HMCN1: variants seen among roughly 807,000 people sequenced by gnomAD.
HMCN1 encodes the protein hemicentin-1.
HMCN1 carries 321 observed loss-of-function variants against 625.9 expected under a neutral mutation model. The ratio of observed to expected loss-of-function variants is 0.51; its 90% CI spans 0.47 to 0.56. The LOEUF (loss-of-function observed/expected upper bound fraction) is 0.56. Among genes scored for constraint, HMCN1 ranks in the 20% least tolerant of loss-of-function variants. HMCN1 has a pLI of 0.00. For synonymous variants in HMCN1, 2,425 were observed against 2,417.6 expected (o/e 1.00, Z -0.09); for missense variants, 6,588 against 6,887.3 (o/e 0.96, Z 1.54).
At chr1:185,942,428 C>T (rs1292322149) in intron 11 of HMCN1, among the ~76,000 whole-genome samples, 2 of 152,154 alleles carry the variant, frequency 1.3e-5, no homozygotes, top group South Asian at 2.1e-4. Flanking sequence ...GCAGGGAAAA[C>T]GATACTCCTT....
chr1:185,857,326 G>T (rs1016980581), intron 2 of HMCN1, among the ~76,000 whole-genome samples: 3 of 152,154 alleles, frequency 2.0e-5, no homozygotes, highest in African/African-American at 7.2e-5. Context: ...GAGCAGGACT[G>T]TGCATACTGA....
At chr1:186,171,922 C>T (rs1652256545) in intron 101 of HMCN1, 84 bp from the exon 102 acceptor site, 1 of 1,255,616 alleles carries the variant, frequency 8.0e-7, no homozygotes, top group Admixed American at 1.8e-5. Flanking sequence ...TAAATAATAT[C>T]CCTAAAATCC....
chr1:185,954,188 T>C (rs926478857), intron 11 of HMCN1, among the ~76,000 whole-genome samples: 7 of 152,178 alleles, frequency 4.6e-5, no homozygotes, highest in African/African-American at 1.7e-4. Context: ...GGGGATGCGA[T>C]GGCTTGGCTT....
chr1:186,132,229 C>G, intron 85 of HMCN1, 99 bp from the exon 86 acceptor site: 1 of 847,810 alleles, frequency 1.2e-6, no homozygotes, highest in Non-Finnish European at 2.0e-6. Flanking sequence ...AATTCCTTCT[C>G]AAAAATGAAA....
intron 53 of HMCN1, among the ~76,000 whole-genome samples, 191 bp downstream of exon 53, chr1:186,075,082 G>C (rs1194344706): frequency 6.6e-6 from 1 of 152,028 alleles, no homozygotes; most frequent in Non-Finnish European, 1.5e-5. Flanking sequence ...TTATTTTTAT[G>C]TGTTTCCTTC....
In HMCN1 at chr1:185,980,993, A is replaced by G; in HGVS notation, c.2582A>G (p.Asp861Gly). The part of the protein sequence containing the change: ...ALFILNLWAS[D>G]KGTYICEAEN... ...TTCCTTTTAGACTTATGGGCAAGTG[A>G]TAAAGGAACCTATATTTGTGAAGCT... Residue 861 changes from aspartate (D) to glycine (G), a missense_variant, in exon 17 of 107, where the codon GAT becomes GGT. This residue lies in a region of HMCN1 where 4,628 missense variants were observed against 4,853.1 expected (regional missense o/e 0.95). Transcript: ENST00000271588. 6.2e-7 allele frequency: 1 copy of G among 1,606,088 alleles called. No homozygotes were observed. Among genetic ancestry groups the G allele is most frequent in the South Asian group, 1.1e-5 (1 of 90,954 alleles).
intron 1 of HMCN1, among the ~76,000 whole-genome samples, chr1:185,783,473 GTTTTATC>G (rs1376289467): frequency 6.6e-6 from 1 of 152,066 alleles, no homozygotes; most frequent in African/African-American, 2.4e-5. Flanking sequence ...CCCCTTTGTG[GTTTTATC>G]TACCTTTGGT....
At chr1:185,999,894 C>T (rs901131101) in intron 25 of HMCN1, 151 bp from the exon 26 acceptor site, 9 of 607,812 alleles carry the variant, frequency 1.5e-5, no homozygotes, top group Non-Finnish European at 2.3e-5. Context: ...CTTCATATTT[C>T]CATGCCAGGA....
Position 185,933,748 on chromosome 1 carries a change from C to T in HMCN1, c.1752C>T (p.Asn584=), listed in dbSNP as rs776421969. 102 of 1,613,524 alleles carry T rather than the reference C, an allele frequency of 6.3e-5. No individual in the cohort carries two copies. The highest frequency in any genetic ancestry group is 2.5e-4 in the East Asian group (11 of 44,882). ...LSLELKSVKF[N]DAGEYHCMVS... ...TGGAGCTAAAGAGTGTGAAATTCAA[C>T]GATGCTGGAGAGTATCATTGTATGG... The change falls in exon 11 of 107, where the codon AAC becomes AAT. Residue 584 remains asparagine (N), a synonymous_variant. Transcript: ENST00000271588.
chr1:186,092,315 C>T (rs894137086), intron 64 of HMCN1, among the ~76,000 whole-genome samples: 3 of 151,692 alleles, frequency 2.0e-5, no homozygotes, highest in Admixed American at 6.6e-5. Context: ...TTTAATTAAA[C>T]TCATGGAATT....
intron 66 of HMCN1, among the ~76,000 whole-genome samples, 177 bp downstream of exon 66, chr1:186,093,846 A>G (rs1179567251): frequency 1.3e-5 from 2 of 152,020 alleles, no homozygotes; most frequent in Non-Finnish European, 2.9e-5. Flanking sequence ...ATGATTTTTT[A>G]TCCTTATTTA....
At chr1:185,753,283 TAAAG>T (rs1347950891) in intron 1 of HMCN1, among the ~76,000 whole-genome samples, 1 of 152,090 alleles carries the variant, frequency 6.6e-6, no homozygotes, top group Non-Finnish European at 1.5e-5. Context: ...AAAAATAGCA[TAAAG>T]AAAGTTTGAC....
At chr1:186,058,244 G>T (rs1300963188) in intron 46 of HMCN1, among the ~76,000 whole-genome samples, 1 of 151,954 alleles carries the variant, frequency 6.6e-6, no homozygotes, top group East Asian at 1.9e-4. Flanking sequence ...GTGAAGTATA[G>T]CTTCAGAACT....
chr1:185,883,055 A>G (rs1179561936), intron 4 of HMCN1, among the ~76,000 whole-genome samples: 1 of 152,110 alleles, frequency 6.6e-6, no homozygotes, highest in Non-Finnish European at 1.5e-5. Context: ...GTAGTAATTT[A>G]CCCTAAAGTA....
At chr1:185,993,331 T>G in intron 23 of HMCN1, 22 bp downstream of exon 23, 9 of 1,611,594 alleles carry the variant, frequency 5.6e-6, no homozygotes, top group Non-Finnish European at 7.6e-6. Context: ...AATGAGAACA[T>G]ATGACAACCC....
intron 15 of HMCN1, among the ~76,000 whole-genome samples, chr1:185,973,383 C>CTT (rs923038893): frequency 1.3e-5 from 2 of 151,898 alleles, no homozygotes; most frequent in African/African-American, 4.8e-5. Flanking sequence ...ACCATTTCAG[C>CTT]TTAATTTTTT....
At chr1:185,811,936 T>G (rs1287218493) in intron 1 of HMCN1, among the ~76,000 whole-genome samples, 2 of 152,212 alleles carry the variant, frequency 1.3e-5, no homozygotes, top group Non-Finnish European at 2.9e-5. Flanking sequence ...CTAGGGCATT[T>G]TCTTAAGAAT....
intron 1 of HMCN1, among the ~76,000 whole-genome samples, chr1:185,844,308 A>G (rs1393308432): frequency 4.6e-5 from 7 of 152,108 alleles, no homozygotes; most frequent in Admixed American, 6.6e-5. Context: ...AGTTTCTCCA[A>G]TTGCTTCTCC....
chr1:185,924,779 CA>C (rs1232074360), intron 8 of HMCN1, among the ~76,000 whole-genome samples: 1 of 150,534 alleles, frequency 6.6e-6, no homozygotes, highest in Non-Finnish European at 1.5e-5. Flanking sequence ...CTTGGTGGTA[CA>C]AAAAAATACT....
Sources: allele counts gnomAD v4.1 joint callset (sites outside exome capture counted in the v4.1 genomes callset), GRCh38; gene constraint gnomAD v4.1.1; regional missense constraint gnomAD v4.1.1; transcripts MANE v1.5; gene names NCBI Gene and HGNC (gene_info 2026-07-23, HGNC 2026-07-21).